KIF2C: variants seen among roughly 807,000 people sequenced by gnomAD.
KIF2C encodes kinesin-like protein KIF2C.
In KIF2C, 34 loss-of-function variants were observed where a neutral mutation model predicts 97.4. That is an observed-to-expected ratio of 0.35 (90% confidence interval 0.27 to 0.46). The LOEUF (loss-of-function observed/expected upper bound fraction) is 0.46. KIF2C is among the 20% of genes least tolerant of loss of function. The pLI is 1.00. For missense variants in KIF2C, 750 were observed against 907.6 expected (o/e 0.83, Z 2.23); for synonymous variants, 313 against 318.2 (o/e 0.98, Z 0.17).
At chr1:44,749,366 C>T in intron 4 of KIF2C, among the ~76,000 whole-genome samples, 1 of 152,038 alleles carries the variant, frequency 6.6e-6, no homozygotes, top group Non-Finnish European at 1.5e-5. Context: ...CCCGGGGGGG[C>T]AGAGGTTGCA....
At chr1:44,741,045 C>A in intron 2 of KIF2C, 38 bp downstream of exon 2, 1 of 1,461,916 alleles carries the variant, frequency 6.8e-7, no homozygotes. Context: ...CATTTAATGT[C>A]TTCCTACATA....
chr1:44,741,028 T>C, intron 2 of KIF2C, 21 bp downstream of exon 2: 1 of 1,552,578 alleles, frequency 6.4e-7, no homozygotes, highest in South Asian at 1.1e-5. Flanking sequence ...TGAGAATTCC[T>C]CTACCACATT....
intron 2 of KIF2C, among the ~76,000 whole-genome samples, chr1:44,745,681 G>T (rs1649158148): frequency 6.6e-6 from 1 of 151,322 alleles, no homozygotes; most frequent in Non-Finnish European, 1.5e-5. Flanking sequence ...TGTTGGTCAG[G>T]CTGGTCTTGA....
intron 4 of KIF2C, among the ~76,000 whole-genome samples, chr1:44,748,185 C>A (rs1333492467): frequency 6.6e-6 from 1 of 152,168 alleles, no homozygotes; most frequent in Non-Finnish European, 1.5e-5. Flanking sequence ...CAGAAGTAGT[C>A]TGTGAAAACC....
At chr1:44,766,087 A>G (rs1650449621) in intron 19 of KIF2C, among the ~76,000 whole-genome samples, 1 of 151,294 alleles carries the variant, frequency 6.6e-6, no homozygotes, top group Non-Finnish European at 1.5e-5. Flanking sequence ...TTAGCTGGCT[A>G]TGGTGGTGTG....
Position 44,760,327 on chromosome 1 carries a change from C to T in KIF2C, c.1415C>T (p.Ala472Val), listed in dbSNP as rs150935880. The change falls in exon 15 of 21, where the codon GCG (alanine) becomes GTG (valine). Residue 472 changes from alanine to valine, a missense_variant. By Grantham distance (64) the Ala-to-Val change is moderately conservative. Transcript: ENST00000372224. This position sits in a 1 kb window ranked among gnomAD's most constrained non-coding sequence, Gnocchi z 4.2. Reference protein sequence around the residue: ...FANSNSSRSHACFQIILRAKG... With the variant: ...FANSNSSRSHVCFQIILRAKG... ...AACTCCAATTCCTCCCGCTCCCACG[C>T]GTGCTTCCAAATTATTCTTCGAGCT... 42 of 1,614,060 alleles carry T rather than the reference C, an allele frequency of 2.6e-5. No homozygotes were observed. Among genetic ancestry groups the T allele is most frequent in the Admixed American group, 8.3e-5 (5 of 60,000 alleles).
intron 19 of KIF2C, among the ~76,000 whole-genome samples, chr1:44,766,046 G>A (rs759408017): frequency 2.0e-5 from 3 of 151,094 alleles, no homozygotes; most frequent in Non-Finnish European, 4.4e-5. Flanking sequence ...GCAAGACTCC[G>A]TCTTAAAGAA....
At chr1:44,754,867 CTCTT>C (rs372521731) in intron 8 of KIF2C, 22 bp downstream of exon 8, 65 of 1,429,084 alleles carry the variant, frequency 4.5e-5, no homozygotes, top group East Asian at 4.3e-4. Flanking sequence ...CAAAGAACTT[CTCTT>C]TCTTAAGTGT....
At chr1:44,741,266 C>G (rs1648920086) in intron 2 of KIF2C, among the ~76,000 whole-genome samples, 1 of 151,652 alleles carries the variant, frequency 6.6e-6, no homozygotes, top group African/African-American at 2.4e-5. Flanking sequence ...CCTGTAATCC[C>G]AACTACTTGG....
At chr1:44,747,593 G>A in intron 3 of KIF2C, 59 bp from the exon 4 acceptor site, 2 of 1,565,998 alleles carry the variant, frequency 1.3e-6, no homozygotes, top group Non-Finnish European at 8.8e-7. Context: ...ATGGGCCCAG[G>A]ATGGGCCCTT....
chr1:44,760,071 C>T lies in KIF2C; in HGVS notation c.1368-209C>T, dbSNP rs1479820857. ...CTGACAAAGGCCCTAGTCCAGAATC[C>T]AGTACTAATTTGGCTGCCAGGAAAA... On this transcript the variant is annotated intron_variant, in intron 14 of 20. Transcript: ENST00000372224. The surrounding 1 kb of genome is among the most constrained non-coding windows in gnomAD (Gnocchi z 4.2). Among the ~76,000 whole-genome samples, 4 of 152,150 alleles carry T rather than the reference C, an allele frequency of 2.6e-5. No individual in the cohort carries two copies. The highest frequency in any genetic ancestry group is 7.2e-5 in the African/African-American group (3 of 41,432).
intron 14 of KIF2C, 146 bp downstream of exon 14, chr1:44,759,494 A>G (rs1013589148): frequency 1.1e-6 from 1 of 938,326 alleles, no homozygotes; most frequent in African/African-American, 1.6e-5. Context: ...ACGGGGTCTC[A>G]ATAAGACATA....
At chr1:44,751,821 C>CTT (rs375561958) in intron 5 of KIF2C, among the ~76,000 whole-genome samples, 19,638 of 100,108 alleles carry the variant, frequency 0.2, 3,663 homozygotes, top group Non-Finnish European at 0.2. Context: ...CTTTTTATAC[C>CTT]TTTTTTTTTT....
rs901045167 is a variant in KIF2C, at chr1:44,767,624, A to G, written c.*445A>G. ...CCGAGCACTGAATGTCTTGTACTTT[A>G]AAAAAATGTTTCTGAGACCTCTTTC... is the stretch of plus-strand genomic sequence containing the variant. On this transcript the variant is annotated 3_prime_UTR_variant, in exon 21 of 21. Coordinates refer to ENST00000372224, the MANE Select transcript of KIF2C (RefSeq NM_006845.4). 2 of 161,978 alleles carry G rather than the reference A, an allele frequency of 1.2e-5. No homozygotes were observed. Among genetic ancestry groups the G allele is most frequent in the African/African-American group, 4.8e-5 (2 of 41,580 alleles). The allele number at this position is 161,978 out of a possible 1,614,324, so 10.0% of individuals were successfully genotyped here. A position where few individuals can be genotyped will look rare whatever the true frequency, so the allele number is the denominator to read the frequency against.
At position 44,760,426 on chromosome 1, in the gene KIF2C, C is replaced by T. The variant is rs1650078818; in HGVS notation, c.1514C>T (p.Ala505Val). Reference protein sequence around the residue: ...GNERGADTSSADRQTRMEGAE... With the variant: ...GNERGADTSSVDRQTRMEGAE... ...GAGCGAGGCGCGGACACTTCCAGTGCTGACCGGCAGACCCGCATGGAGGGC... is the reference window on the plus strand; with the variant it reads ...GAGCGAGGCGCGGACACTTCCAGTGTTGACCGGCAGACCCGCATGGAGGGC... The change falls in exon 15 of 21, where the codon GCT becomes GTT. Residue 505 changes from alanine to valine, a missense_variant. Coordinates refer to ENST00000372224, the MANE Select transcript of KIF2C (RefSeq NM_006845.4). The surrounding 1 kb of genome is among the most constrained non-coding windows in gnomAD (Gnocchi z 4.2). The T allele has an allele frequency of 1.2e-6, 2 of 1,614,232 alleles. No individual in the cohort carries two copies. Among genetic ancestry groups the T allele is most frequent in the East Asian group, 4.5e-5 (2 of 44,890 alleles).
Position 44,753,145 on chromosome 1 carries a change from G to A in KIF2C, c.453G>A (p.Arg151=). 6.2e-7 allele frequency: 1 copy of A among 1,612,676 alleles called. No individual in the cohort carries two copies. Among genetic ancestry groups the A allele is most frequent in the Non-Finnish European group, 8.5e-7 (1 of 1,179,258 alleles). ...KQFSVPPAPT[R]PSCPAVAEIP... ...GTTCCCCTACAGCTGCCCCCACTAG[G>A]CCTTCCTGCCCTGCAGTGGCTGAAA... is the stretch of plus-strand genomic sequence containing the variant. Residue 151 remains arginine (R), a synonymous_variant, in exon 6 of 21, where the codon AGG becomes AGA. Transcript: ENST00000372224.
At chr1:44,765,140 T>C (rs2148836526) in intron 19 of KIF2C, among the ~76,000 whole-genome samples, 1 of 152,066 alleles carries the variant, frequency 6.6e-6, no homozygotes, top group African/African-American at 2.4e-5. Context: ...AAATAATCAT[T>C]TGGCCAGGTG....
intron 19 of KIF2C, among the ~76,000 whole-genome samples, chr1:44,766,536 G>A (rs991730591): frequency 1.3e-5 from 2 of 152,092 alleles, no homozygotes; most frequent in South Asian, 2.1e-4. Flanking sequence ...CCTTAAACTC[G>A]GGGGGTGGAG....
At position 44,764,187 on chromosome 1, in the gene KIF2C, A is replaced by ATG. The variant is rs1488839097; in HGVS notation, c.1971+1531_1971+1532dup. 3.3e-5 allele frequency among the ~76,000 whole-genome samples: 5 copies of ATG among 152,082 alleles called. No homozygotes were observed. In the East Asian group the frequency reaches 7.8e-4, roughly 24 times the overall value. On this transcript the variant is annotated intron_variant, in intron 19 of 20. Coordinates refer to ENST00000372224, the MANE Select transcript of KIF2C (RefSeq NM_006845.4). ...ATATGTACTCTCTCTCTATATATAT[A>ATG]TGTTTTTGAGACAGAGTCTCACTCG... is the stretch of plus-strand genomic sequence containing the variant.
Sources: allele counts gnomAD v4.1 joint callset (sites outside exome capture counted in the v4.1 genomes callset), GRCh38; gene constraint gnomAD v4.1.1; non-coding constraint Gnocchi (gnomAD v3.1); transcripts MANE v1.5; gene names NCBI Gene and HGNC (gene_info 2026-07-23, HGNC 2026-07-21).